SLA: variants seen among roughly 807,000 people sequenced by gnomAD.
The protein encoded by SLA is src-like-adapter.
In SLA, 16 loss-of-function variants were observed where a neutral mutation model predicts 30.3. That is an observed-to-expected ratio of 0.53 (90% confidence interval 0.36 to 0.80). The LOEUF is 0.80. Among genes scored for constraint, SLA ranks in the 30% least tolerant of loss-of-function variants. The probability of loss-of-function intolerance (pLI) is 0.01; values close to 1 mark genes in which losing one functional copy is unlikely to be tolerated. For missense variants in SLA, 310 were observed against 345.2 expected (o/e 0.90, Z 0.81); for synonymous variants, 143 against 137.8 (o/e 1.04, Z -0.26).
chr8:133,081,893 C>CAGGCCCCACTCAAG (rs1845810089), intron 1 of SLA, among the ~76,000 whole-genome samples: 2 of 152,194 alleles, frequency 1.3e-5, no homozygotes, highest in Admixed American at 1.3e-4. Flanking sequence ...GATTGTCACA[C>CAGGCCCCACTCAAG]AGGCCCCACT....
chr8:133,081,998 A>G (rs1845827581), intron 1 of SLA, among the ~76,000 whole-genome samples: 2 of 152,324 alleles, frequency 1.3e-5, no homozygotes, highest in East Asian at 3.9e-4. Flanking sequence ...GAAACCTTGT[A>G]TTGTATCTTC....
intron 3 of SLA, among the ~76,000 whole-genome samples, chr8:133,052,252 G>A (rs780597897): frequency 1.3e-5 from 2 of 152,232 alleles, no homozygotes; most frequent in Non-Finnish European, 2.9e-5. Flanking sequence ...TTGGGCAAAG[G>A]TTATGCTTAT....
intron 3 of SLA, 122 bp from the exon 4 acceptor site, chr8:133,051,037 T>C (rs573482146): frequency 2.3e-4 from 149 of 640,416 alleles, no homozygotes; most frequent in Non-Finnish European, 3.9e-4. Flanking sequence ...CCTTTCTTGT[T>C]TTGAACCACC....
Position 133,047,319 on chromosome 8 carries a change from T to A in SLA, c.352+511A>T, listed in dbSNP as rs914767351. On this transcript the variant is annotated intron_variant, in intron 6 of 8. Transcript: ENST00000338087. Reference sequence around the variant, plus strand: ...GATTCTCGGAGCTGTCTGATTTAGTTACGGAGCACAGAGGAAACTGATATC... The same window carrying A: ...GATTCTCGGAGCTGTCTGATTTAGTAACGGAGCACAGAGGAAACTGATATC... The A allele has an allele frequency of 2.6e-5, 4 of 154,064 alleles. No individual in the cohort carries two copies. In the Admixed American group the frequency reaches 2.6e-4, roughly 10 times the overall value. 9.5% of individuals were successfully genotyped at this position (154,064 alleles called of 1,614,324 possible). A position where few individuals can be genotyped will look rare whatever the true frequency, so the allele number is the denominator to read the frequency against.
At chr8:133,074,759 T>G (rs1693133345) in intron 2 of SLA, 94 bp downstream of exon 2, 1 of 734,094 alleles carries the variant, frequency 1.4e-6, no homozygotes. Flanking sequence ...GGGAGCTCCT[T>G]TCTGACTCCA....
Position 133,096,322 on chromosome 8 carries a change from C to T in SLA, c.-319+6231G>A, listed in dbSNP as rs576615757. ...CTTTATGGGTAGAGGTCGATCTGCT[C>T]ATTGGGAGTTCTCAGGACGACGGGC... On this transcript the variant is annotated intron_variant, in intron 1 of 8. Coordinates refer to ENST00000338087, the MANE Select transcript of SLA (RefSeq NM_001045556.3). 103 of 1,614,190 alleles carry T rather than the reference C, an allele frequency of 6.4e-5. No homozygotes were observed. Among genetic ancestry groups the T allele is most frequent in the Middle Eastern group, 5.0e-4 (3 of 6,060 alleles).
chr8:133,079,029 C>T (rs1314689590), intron 1 of SLA, among the ~76,000 whole-genome samples: 4 of 152,156 alleles, frequency 2.6e-5, no homozygotes, highest in Admixed American at 1.3e-4. Context: ...TGAGGCATGG[C>T]GGGACCACAT....
chr8:133,048,901 GT>G (rs1839931690), intron 5 of SLA: 1 of 213,946 alleles, frequency 4.7e-6, no homozygotes, highest in South Asian at 6.3e-5. Context: ...GGTTATCTCT[GT>G]TTTGCAAGAT....
In SLA at chr8:133,058,896, A is replaced by AT. The variant is rs149520911; in HGVS notation, c.61+1203dup. Among the ~76,000 whole-genome samples the AT allele has an allele frequency of 5.1e-3, 773 of 152,192 alleles. 13 individuals carry two copies. The highest frequency in any genetic ancestry group is 0.018 in the African/African-American group (744 of 41,520). The stretch of plus-strand genomic sequence containing the variant: ...TCACTAGATAAATAAGAGCACTAGG[A>AT]TTGTTCTGCATCTGACTTGAAAGGG... On this transcript the variant is annotated intron_variant, in intron 3 of 8. Coordinates refer to ENST00000338087, the MANE Select transcript of SLA (RefSeq NM_001045556.3).
intron 1 of SLA, among the ~76,000 whole-genome samples, chr8:133,078,490 C>T (rs1323862948): frequency 6.6e-6 from 1 of 152,234 alleles, no homozygotes; most frequent in African/African-American, 2.4e-5. Context: ...GTGATTCACA[C>T]ACCTTTTTCT....
chr8:133,065,823 A>G (rs1587961243), intron 2 of SLA, among the ~76,000 whole-genome samples: 1 of 152,260 alleles, frequency 6.6e-6, no homozygotes, highest in East Asian at 1.9e-4. Context: ...AGTCATCAAA[A>G]CAAACCTTAG....
At chr8:133,046,659 G>T (rs923485485) in intron 6 of SLA, 1 of 152,258 alleles carries the variant, frequency 6.6e-6, no homozygotes, top group Admixed American at 6.5e-5. Flanking sequence ...CCTCCCTTTG[G>T]CCAGGCCAGC....
In SLA at chr8:133,069,499, C is replaced by G. The variant is rs372262693; in HGVS notation, c.-41+5354G>C. On this transcript the variant is annotated intron_variant, in intron 2 of 8. Coordinates refer to ENST00000338087, the MANE Select transcript of SLA (RefSeq NM_001045556.3). ...TTAATTTGCTATTAATGTGCTCCTC[C>G]TTAGCTCCTGTTCCCTCCTTAGCTC... Among the ~76,000 whole-genome samples, 35 of 152,124 alleles carry G rather than the reference C, an allele frequency of 2.3e-4. 1 individual carries two copies. Among genetic ancestry groups the G allele is most frequent in the Admixed American group, 2.3e-3 (35 of 15,280 alleles).
chr8:133,100,669 G>T (rs961931017), intron 1 of SLA, among the ~76,000 whole-genome samples: 3 of 152,038 alleles, frequency 2.0e-5, no homozygotes, highest in African/African-American at 7.3e-5. Context: ...TTCCCATGAC[G>T]TCACTCTGGG....
intron 1 of SLA, among the ~76,000 whole-genome samples, chr8:133,098,257 T>C (rs1034979530): frequency 6.6e-6 from 1 of 152,238 alleles, no homozygotes; most frequent in Non-Finnish European, 1.5e-5. Flanking sequence ...TAAGAAATAG[T>C]AAGTTTAGTT....
rs573008860 is a variant in SLA at position 133,094,913 on chromosome 8, C to A, written c.-319+7640G>T. ...TCCTTATCTTCCCATTGTGTGCAGC[C>A]CCAGAATGGGTCCTGGGACTCCCAA... On this transcript the variant is annotated intron_variant, in intron 1 of 8. Coordinates refer to ENST00000338087, the MANE Select transcript of SLA (RefSeq NM_001045556.3). The A allele has an allele frequency of 7.6e-5, 94 of 1,230,416 alleles. 1 individual carries two copies. Among genetic ancestry groups the A allele is most frequent in the South Asian group, 5.0e-4 (41 of 82,490 alleles). 76.2% of individuals were successfully genotyped at this position (1,230,416 alleles called of 1,614,324 possible). A position where few individuals can be genotyped will look rare whatever the true frequency, so the allele number is the denominator to read the frequency against.
At chr8:133,072,911 T>C (rs1308193909) in intron 2 of SLA, 1 of 152,228 alleles carries the variant, frequency 6.6e-6, no homozygotes, top group Non-Finnish European at 1.5e-5. Flanking sequence ...GCCCCACTCA[T>C]TGCTTTAGCT....
chr8:133,065,556 G>GT (rs982056582), intron 2 of SLA, among the ~76,000 whole-genome samples: 5 of 152,212 alleles, frequency 3.3e-5, no homozygotes, highest in African/African-American at 1.2e-4. Context: ...CAGGTCAGGA[G>GT]TTCAAGACCA....
chr8:133,050,912 A>G lies in SLA; in HGVS notation c.65T>C (p.Leu22Pro), dbSNP rs771736511. ...TAGCACGGCAAGGAAGTCGCTATCC[A>G]GTCCTGGGGAAACAAAGGCAAGGGG... ...AERPLPNPEG[L>P]DSDFLAVLSD... The change falls in exon 4 of 9, where the codon CTG becomes CCG. Residue 22 changes from leucine to proline, a missense_variant. Transcript: ENST00000338087. 9 of 1,608,702 alleles carry G rather than the reference A, an allele frequency of 5.6e-6. No individual in the cohort carries two copies. The highest frequency in any genetic ancestry group is 6.8e-6 in the Non-Finnish European group (8 of 1,175,110).
Sources: gnomAD v4.1 joint callset for allele counts (sites outside exome capture counted in the v4.1 genomes callset) on GRCh38, gnomAD v4.1.1 for gene constraint, MANE v1.5 for transcripts, NCBI Gene and HGNC (gene_info 2026-07-23, HGNC 2026-07-21) for gene names.